PPFIA2: variants seen among roughly 807,000 people sequenced by gnomAD.
The protein encoded by PPFIA2 is liprin-alpha-2.
Under a neutral mutation model 175.5 loss-of-function variants are expected in PPFIA2, and 46 were observed. That is an observed-to-expected ratio of 0.26 (90% CI 0.21 to 0.34). The LOEUF is 0.34. PPFIA2 is among the 10% of genes least tolerant of loss of function. PPFIA2 has a pLI of 1.00. For synonymous variants in PPFIA2, 568 were observed against 511.4 expected (o/e 1.11, Z -1.49); for missense variants, 1,179 against 1,506.1 (o/e 0.78, Z 3.60).
In PPFIA2 at chr12:81,716,434, A is replaced by G. The variant is rs1348900051; in HGVS notation, c.249+37539T>C. Among the ~76,000 whole-genome samples the G allele has an allele frequency of 3.3e-5, 5 of 151,762 alleles. No individual in the cohort carries two copies. In the Admixed American group the frequency reaches 3.3e-4, roughly 10 times the overall value. ...TACTGAGATAGTAAAATTGCCAAACAGTCCATAAAATTTGCATGACATTTA... is the reference window on the plus strand; with the variant it reads ...TACTGAGATAGTAAAATTGCCAAACGGTCCATAAAATTTGCATGACATTTA... On this transcript the variant is annotated intron_variant, in intron 3 of 32. Coordinates refer to ENST00000549396, the MANE Select transcript of PPFIA2 (RefSeq NM_003625.5).
chr12:81,624,611 T>C (rs1404945562), intron 4 of PPFIA2, among the ~76,000 whole-genome samples: 2 of 146,384 alleles, frequency 1.4e-5, no homozygotes, highest in Non-Finnish European at 3.0e-5. Context: ...AATGATAATA[T>C]ATAATTATAT....
At chr12:81,707,987 G>A (rs1453245512) in intron 3 of PPFIA2, among the ~76,000 whole-genome samples, 92 of 138,902 alleles carry the variant, frequency 6.6e-4, no homozygotes, top group African/African-American at 1.9e-3. Context: ...ACACATGGAC[G>A]CAGGAAGGGG....
chr12:81,537,070 G>A (rs1030561593), intron 4 of PPFIA2, among the ~76,000 whole-genome samples: 1 of 151,522 alleles, frequency 6.6e-6, no homozygotes, highest in East Asian at 1.9e-4. Flanking sequence ...AAAGCAGAAG[G>A]AGAATTACAA....
chr12:81,297,582 TA>T (rs1213602619), intron 23 of PPFIA2, among the ~76,000 whole-genome samples: 1 of 152,202 alleles, frequency 6.6e-6, no homozygotes, highest in Non-Finnish European at 1.5e-5. Flanking sequence ...TGACAGAAGA[TA>T]GTACTTGACT....
At chr12:81,529,269 TA>T (rs2064155010) in intron 4 of PPFIA2, among the ~76,000 whole-genome samples, 1 of 152,022 alleles carries the variant, frequency 6.6e-6, no homozygotes, top group Non-Finnish European at 1.5e-5. Flanking sequence ...CCATGAAGTA[TA>T]AAAACAAAGT....
chr12:81,723,137 CTG>C (rs1446590899), intron 3 of PPFIA2, among the ~76,000 whole-genome samples: 2 of 151,028 alleles, frequency 1.3e-5, no homozygotes, highest in African/African-American at 2.4e-5. Flanking sequence ...TAAGAATATT[CTG>C]TGTTTTTACC....
At chr12:81,402,325 C>A (rs1448352236) in intron 8 of PPFIA2, among the ~76,000 whole-genome samples, 1 of 150,218 alleles carries the variant, frequency 6.7e-6, no homozygotes, top group South Asian at 2.1e-4. Flanking sequence ...TTTGAATATA[C>A]CTTTTTAAAA....
At chr12:81,277,065 A>G (rs552302470) in intron 28 of PPFIA2, among the ~76,000 whole-genome samples, 71 of 152,318 alleles carry the variant, frequency 4.7e-4, no homozygotes, top group Non-Finnish European at 8.5e-4. Context: ...TGTATAATTA[A>G]TAGGTTCACA....
intron 4 of PPFIA2, among the ~76,000 whole-genome samples, chr12:81,574,124 C>A (rs1217112607): frequency 2.0e-5 from 3 of 151,796 alleles, no homozygotes; most frequent in Non-Finnish European, 2.9e-5. Flanking sequence ...GCTGCATATC[C>A]ATTTTCTGTA....
intron 3 of PPFIA2, among the ~76,000 whole-genome samples, chr12:81,705,886 C>T (rs1416440434): frequency 6.6e-6 from 1 of 152,176 alleles, no homozygotes; most frequent in Non-Finnish European, 1.5e-5. Context: ...TCTAAAGTTT[C>T]AGTGTCCAAT....
intron 20 of PPFIA2, 106 bp downstream of exon 20, chr12:81,340,972 G>T: frequency 8.3e-7 from 1 of 1,208,348 alleles, no homozygotes; most frequent in Non-Finnish European, 1.1e-6. Flanking sequence ...GAGAATTCTG[G>T]CTCAAATAAT....
intron 2 of PPFIA2, 25 bp from the exon 3 acceptor site, chr12:81,754,248 G>A (rs1377686034): frequency 6.4e-7 from 1 of 1,563,310 alleles, no homozygotes. Context: ...GTGGGAAGGA[G>A]TCTTAGTAAA....
intron 4 of PPFIA2, among the ~76,000 whole-genome samples, chr12:81,484,589 G>A (rs1394402912): frequency 6.6e-6 from 1 of 151,810 alleles, no homozygotes; most frequent in Non-Finnish European, 1.5e-5. Flanking sequence ...TCACATAATA[G>A]CACTATTCAT....
chr12:81,628,695 A>G (rs990938867), intron 4 of PPFIA2, among the ~76,000 whole-genome samples: 4 of 152,132 alleles, frequency 2.6e-5, no homozygotes, highest in African/African-American at 9.7e-5. Context: ...TCTACTTTCT[A>G]TGTGTCCTAC....
intron 4 of PPFIA2, among the ~76,000 whole-genome samples, chr12:81,659,563 G>A (rs2068431616): frequency 6.6e-6 from 1 of 152,198 alleles, no homozygotes; most frequent in Non-Finnish European, 1.5e-5. Flanking sequence ...GGGGAAGCTA[G>A]AACTGGGTGG....
intron 9 of PPFIA2, among the ~76,000 whole-genome samples, chr12:81,379,475 T>C (rs2037154795): frequency 6.6e-6 from 1 of 152,146 alleles, no homozygotes. Context: ...TAATAGGAAG[T>C]TGGAAATACA....
chr12:81,483,048 C>T (rs2058427432), intron 4 of PPFIA2, among the ~76,000 whole-genome samples: 1 of 152,138 alleles, frequency 6.6e-6, no homozygotes, highest in Non-Finnish European at 1.5e-5. Context: ...AATTCTGCCA[C>T]AACAGCTGTG....
intron 4 of PPFIA2, among the ~76,000 whole-genome samples, chr12:81,477,026 G>A (rs1385510137): frequency 2.6e-5 from 4 of 152,020 alleles, no homozygotes; most frequent in Admixed American, 1.3e-4. Flanking sequence ...CATGGACACA[G>A]GGAGGGGAAC....
At chr12:81,653,849 T>C (rs2067367674) in intron 4 of PPFIA2, among the ~76,000 whole-genome samples, 1 of 152,092 alleles carries the variant, frequency 6.6e-6, no homozygotes. Context: ...AGCTCCCTGC[T>C]GTTTCCTTCA....
Sources: allele counts gnomAD v4.1 joint callset (sites outside exome capture counted in the v4.1 genomes callset), GRCh38; gene constraint gnomAD v4.1.1; transcripts MANE v1.5; gene names NCBI Gene and HGNC (gene_info 2026-07-23, HGNC 2026-07-21).